The following SUGCT variants were observed in gnomAD, a reference collection of about 807,000 sequenced individuals.
SUGCT encodes succinyl-CoA:glutarate CoA-transferase.
SUGCT carries 41 observed loss-of-function variants against 55.0 expected under a neutral mutation model. The observed-to-expected ratio is 0.74, with a 90% CI of 0.58 to 0.97. The LOEUF (loss-of-function observed/expected upper bound fraction) is 0.97, where lower values mean the gene tolerates loss of function less well. Among genes scored for constraint, SUGCT ranks in the 50% least tolerant of loss-of-function variants. SUGCT has a pLI of 0.00. For missense variants in SUGCT, 568 were observed against 547.8 expected, an observed-to-expected ratio of 1.04 and a Z score of -0.37; for synonymous variants, 187 against 200.4, an observed-to-expected ratio of 0.93 and a Z score of 0.56.
chr7:40,870,564 G>A, the SUGCT span, among the ~76,000 whole-genome samples: 1 of 152,070 alleles, frequency 6.6e-6, no homozygotes, highest in Non-Finnish European at 1.5e-5. Context: ...AGATTTCAGG[G>A]ATTAGATAGA....
chr7:40,261,156 A>C (rs547220516), intron 7 of SUGCT, among the ~76,000 whole-genome samples: 3 of 152,308 alleles, frequency 2.0e-5, no homozygotes, highest in Admixed American at 1.3e-4. Flanking sequence ...AAGGCAAATA[A>C]ATGATTTGAT....
At chr7:40,545,546 C>G (rs894352416) in intron 12 of SUGCT, among the ~76,000 whole-genome samples, 14 of 152,060 alleles carry the variant, frequency 9.2e-5, no homozygotes, top group African/African-American at 3.4e-4. Flanking sequence ...TAAAATATGG[C>G]CTTACCTGAA....
At chr7:40,942,951 C>A in the SUGCT span, among the ~76,000 whole-genome samples, 1 of 151,992 alleles carries the variant, frequency 6.6e-6, no homozygotes, top group African/African-American at 2.4e-5. Context: ...AGAAAATTTT[C>A]CATTCATATC....
rs141993795 is a variant in SUGCT at position 40,543,945 on chromosome 7, C to G, written c.1089+47559C>G. The stretch of plus-strand genomic sequence containing the variant: ...GAGAGTTTAGCTGAGAAAACAGAAG[C>G]CTGTTTTCAGGTATGGCTTCACAAA... On this transcript the variant is annotated intron_variant, in intron 12 of 13. Coordinates refer to ENST00000335693, the MANE Select transcript of SUGCT (RefSeq NM_001193313.2). Among the ~76,000 whole-genome samples, 568 of 152,202 alleles carry G rather than the reference C, an allele frequency of 3.7e-3. 5 individuals are homozygous for G. The highest frequency in any genetic ancestry group is 0.012 in the African/African-American group (516 of 41,526).
chr7:40,800,276 G>A (rs1233438851), intron 13 of SUGCT, among the ~76,000 whole-genome samples: 1 of 147,780 alleles, frequency 6.8e-6, no homozygotes, highest in African/African-American at 2.5e-5. Flanking sequence ...TTGGGGTGTC[G>A]TATTCATGAC....
intron 13 of SUGCT, among the ~76,000 whole-genome samples, chr7:40,767,663 T>C (rs534175122): frequency 9.8e-4 from 149 of 152,204 alleles, no homozygotes; most frequent in African/African-American, 3.4e-3. Flanking sequence ...TAGCAAGAGA[T>C]GAAAAGGTGC....
the SUGCT span, among the ~76,000 whole-genome samples, chr7:40,930,407 C>T: frequency 1.3e-5 from 2 of 152,240 alleles, no homozygotes; most frequent in African/African-American, 2.4e-5. Flanking sequence ...TATGCAGGCT[C>T]TTTTTTGGTT....
At chr7:40,522,421 C>G (rs890439107) in intron 12 of SUGCT, among the ~76,000 whole-genome samples, 3 of 152,118 alleles carry the variant, frequency 2.0e-5, no homozygotes, top group Non-Finnish European at 2.9e-5. Flanking sequence ...ACTACTTACA[C>G]TAGTTGCTAC....
intron 12 of SUGCT, among the ~76,000 whole-genome samples, chr7:40,588,944 A>G (rs1797558140): frequency 6.6e-6 from 1 of 152,154 alleles, no homozygotes; most frequent in Admixed American, 6.5e-5. Context: ...CTCATATCTG[A>G]TATTTTTGCT....
chr7:40,389,373 G>T (rs1366402957), intron 9 of SUGCT, among the ~76,000 whole-genome samples: 1 of 151,950 alleles, frequency 6.6e-6, no homozygotes, highest in Admixed American at 6.6e-5. Flanking sequence ...AATCAATTGA[G>T]CCCAGGAGGC....
intron 9 of SUGCT, among the ~76,000 whole-genome samples, chr7:40,320,680 A>G (rs1464580533): frequency 6.6e-6 from 1 of 152,172 alleles, no homozygotes; most frequent in Non-Finnish European, 1.5e-5. Context: ...TTTGTTTGTG[A>G]CCCACACTGA....
intron 7 of SUGCT, among the ~76,000 whole-genome samples, chr7:40,238,859 C>T (rs1306821700): frequency 5.4e-5 from 8 of 148,692 alleles, no homozygotes; most frequent in Non-Finnish European, 7.4e-5. Context: ...CTTGCTCTGT[C>T]GCCCAGGCTA....
chr7:40,769,280 T>C (rs1462591673), intron 13 of SUGCT, among the ~76,000 whole-genome samples: 1 of 152,220 alleles, frequency 6.6e-6, no homozygotes, highest in Non-Finnish European at 1.5e-5. Context: ...AAAATTCAAA[T>C]TTCTCATTTC....
chr7:40,411,469 G>A (rs1786687919), intron 9 of SUGCT, among the ~76,000 whole-genome samples: 2 of 152,174 alleles, frequency 1.3e-5, no homozygotes, highest in African/African-American at 2.4e-5. Flanking sequence ...GTTTGCTGCA[G>A]GATAGGTGGA....
chr7:40,650,244 A>G (rs897563719), intron 12 of SUGCT, among the ~76,000 whole-genome samples: 5 of 152,220 alleles, frequency 3.3e-5, no homozygotes, highest in African/African-American at 7.2e-5. Context: ...ACAGAAGCCA[A>G]TCATCTTGTA....
chr7:41,026,694 C>A, the SUGCT span, among the ~76,000 whole-genome samples: 2 of 152,140 alleles, frequency 1.3e-5, no homozygotes, highest in Non-Finnish European at 2.9e-5. Flanking sequence ...ATCAAAGGCG[C>A]CAGCTTAATT....
Position 40,456,272 on chromosome 7 carries a change from C to T in SUGCT, c.889-2829C>T, listed in dbSNP as rs142554586. Among the ~76,000 whole-genome samples the T allele has an allele frequency of 2.6e-3, 397 of 152,214 alleles. 2 individuals carry two copies. The highest frequency in any genetic ancestry group is 8.7e-3 in the African/African-American group (361 of 41,538). On this transcript the variant is annotated intron_variant, in intron 10 of 13. Coordinates refer to ENST00000335693, the MANE Select transcript of SUGCT (RefSeq NM_001193313.2). ...AACTCTTGACCTCAGGTGATCCACC[C>T]GCCTTGGCCTCCCAAAAGTGCTGGG...
At chr7:40,415,459 A>G (rs1252833466) in intron 9 of SUGCT, among the ~76,000 whole-genome samples, 1 of 150,850 alleles carries the variant, frequency 6.6e-6, no homozygotes, top group Non-Finnish European at 1.5e-5. Flanking sequence ...TCTTTTTAAA[A>G]TGTTAATATT....
At chr7:40,783,963 T>C (rs538477709) in intron 13 of SUGCT, among the ~76,000 whole-genome samples, 1 of 152,296 alleles carries the variant, frequency 6.6e-6, no homozygotes, top group East Asian at 1.9e-4. Flanking sequence ...AGGGCAATGG[T>C]GTCTCTATCG....
Sources: allele counts gnomAD v4.1 joint callset (sites outside exome capture counted in the v4.1 genomes callset), GRCh38; gene constraint gnomAD v4.1.1; transcripts MANE v1.5; gene names NCBI Gene and HGNC (gene_info 2026-07-23, HGNC 2026-07-21).